PHACTR3: variants seen among roughly 807,000 people sequenced by gnomAD.
PHACTR3 encodes phosphatase and actin regulator 3, also known as protein phosphatase 1, regulatory subunit 123.
Under a neutral mutation model 66.8 loss-of-function variants are expected in PHACTR3, and 16 were observed. That is an observed-to-expected ratio of 0.24 (90% CI 0.16 to 0.36). The LOEUF (loss-of-function observed/expected upper bound fraction) is 0.36, where lower values mean the gene tolerates loss of function less well. Ranked by LOEUF, PHACTR3 falls within the 10% of genes least tolerant of loss-of-function variation. PHACTR3 has a pLI of 1.00. For synonymous variants in PHACTR3, 323 were observed against 292.1 expected (o/e 1.11, Z -1.08); for missense variants, 647 against 719.9 (o/e 0.90, Z 1.16).
intron 4 of PHACTR3, among the ~76,000 whole-genome samples, chr20:59,760,951 A>T (rs1246155987): frequency 6.6e-6 from 1 of 152,138 alleles, no homozygotes; most frequent in Non-Finnish European, 1.5e-5. Flanking sequence ...AGAGAGGTTA[A>T]GTCACTTTCC....
At position 59,626,268 on chromosome 20, in the gene PHACTR3, G is replaced by A. The variant is rs74377866; in HGVS notation, c.118+21136G>A. 5.3e-3 allele frequency among the ~76,000 whole-genome samples: 813 copies of A among 152,328 alleles called. 6 individuals are homozygous for A. Among genetic ancestry groups the A allele is most frequent in the Middle Eastern group, 0.031 (9 of 294 alleles). On this transcript the variant is annotated intron_variant, in intron 1 of 12. Transcript: ENST00000371015. ...TCATGTCTCTGCCTTCATGGAATGAGTAGTCTCGTGGGATGAGGGGAAACA... is the reference window on the plus strand; with the variant it reads ...TCATGTCTCTGCCTTCATGGAATGAATAGTCTCGTGGGATGAGGGGAAACA...
chr20:59,664,954 C>T (rs1160609756), intron 1 of PHACTR3, among the ~76,000 whole-genome samples: 2 of 152,200 alleles, frequency 1.3e-5, no homozygotes, highest in Non-Finnish European at 2.9e-5. Context: ...TCAACCCTCT[C>T]GCTGGAATTA....
chr20:59,776,527 G>GACAAT (rs1332528036), intron 7 of PHACTR3, among the ~76,000 whole-genome samples: 1 of 24,168 alleles, frequency 4.1e-5, no homozygotes, highest in Non-Finnish European at 2.6e-4. Flanking sequence ...AGCCCCTGGG[G>GACAAT]AGGACAGCCC....
intron 3 of PHACTR3, among the ~76,000 whole-genome samples, chr20:59,752,550 C>G (rs1430892078): frequency 3.8e-5 from 1 of 26,430 alleles, no homozygotes; most frequent in Non-Finnish European, 1.0e-4. Context: ...TGACCGCAGC[C>G]CAGAGAAGTC....
intron 1 of PHACTR3, among the ~76,000 whole-genome samples, chr20:59,586,423 C>T (rs2033030353): frequency 6.6e-6 from 1 of 152,200 alleles, no homozygotes; most frequent in Non-Finnish European, 1.5e-5. Flanking sequence ...GACGCTCCAG[C>T]ACTGGAGGCT....
At chr20:59,797,139 A>G (rs1190989498) in intron 7 of PHACTR3, among the ~76,000 whole-genome samples, 1 of 152,134 alleles carries the variant, frequency 6.6e-6, no homozygotes, top group Non-Finnish European at 1.5e-5. Flanking sequence ...ATTTAAAAAA[A>G]TTATTTATTG....
At chr20:59,609,734 C>T (rs17731168) in intron 1 of PHACTR3, among the ~76,000 whole-genome samples, 2,165 of 152,292 alleles carry the variant, frequency 0.014, 16 homozygotes, top group Middle Eastern at 0.031. Context: ...CTCGAATGTT[C>T]TCTTATTCTG....
chr20:59,774,149 C>G (rs1316420353), intron 6 of PHACTR3, 94 bp from the exon 7 acceptor site: 2 of 1,472,832 alleles, frequency 1.4e-6, no homozygotes, highest in African/African-American at 1.4e-5. Context: ...TTTGGGGCTG[C>G]CTCTGTGATA....
At chr20:59,784,330 ATG>A (rs59851475) in intron 7 of PHACTR3, among the ~76,000 whole-genome samples, 17,126 of 125,154 alleles carry the variant, frequency 0.14, 2,319 homozygotes, top group African/African-American at 0.48. Flanking sequence ...ATATATATAT[ATG>A]TGTATATATA....
At chr20:59,831,628 C>G (rs1020979832) in intron 8 of PHACTR3, among the ~76,000 whole-genome samples, 57 of 152,272 alleles carry the variant, frequency 3.7e-4, no homozygotes, top group African/African-American at 1.3e-3. Context: ...CCACCTACCC[C>G]GCCCCACCCC....
chr20:59,621,318 T>C (rs886641499), intron 1 of PHACTR3, among the ~76,000 whole-genome samples: 1 of 152,148 alleles, frequency 6.6e-6, no homozygotes, highest in African/African-American at 2.4e-5. Context: ...GGTGGCAGAG[T>C]TGGGGCTTGC....
chr20:59,738,204 T>C lies in PHACTR3; in HGVS notation c.119-4903T>C, dbSNP rs1202023335. ...AGGGAGTCAATGCTTCAACCTCCTGTTAGTAAGTGGCAGGGCCAGGAGGGG... is the reference window on the plus strand; with the variant it reads ...AGGGAGTCAATGCTTCAACCTCCTGCTAGTAAGTGGCAGGGCCAGGAGGGG... On this transcript the variant is annotated intron_variant, in intron 1 of 12. Transcript: ENST00000371015. This position sits in a 1 kb window ranked among gnomAD's most constrained non-coding sequence, Gnocchi z 4.4. Among the ~76,000 whole-genome samples the C allele has an allele frequency of 6.6e-6, 1 of 151,910 alleles. No individual in the cohort carries two copies. The highest frequency in any genetic ancestry group is 6.5e-5 in the Admixed American group (1 of 15,272).
intron 1 of PHACTR3, among the ~76,000 whole-genome samples, chr20:59,697,748 A>G (rs1377594023): frequency 6.6e-6 from 1 of 152,192 alleles, no homozygotes; most frequent in Admixed American, 6.5e-5. Context: ...AATTTAATTT[A>G]ATCAATAAAT....
intron 1 of PHACTR3, among the ~76,000 whole-genome samples, chr20:59,689,374 G>A (rs993018433): frequency 2.6e-5 from 4 of 152,256 alleles, no homozygotes; most frequent in Non-Finnish European, 4.4e-5. Context: ...AAGATGGTGT[G>A]TCAAATGTAG....
At chr20:59,685,784 T>C (rs977897933) in intron 1 of PHACTR3, among the ~76,000 whole-genome samples, 1 of 152,206 alleles carries the variant, frequency 6.6e-6, no homozygotes, top group African/African-American at 2.4e-5. Context: ...ACCATCCTTT[T>C]AGAGTGGCTT....
intron 1 of PHACTR3, among the ~76,000 whole-genome samples, chr20:59,584,960 C>T (rs1301438282): frequency 2.0e-5 from 3 of 150,216 alleles, no homozygotes; most frequent in Non-Finnish European, 3.0e-5. Context: ...CTTTAAAAAA[C>T]GCCTTCTCCA....
At chr20:59,621,717 G>A (rs1293891389) in intron 1 of PHACTR3, among the ~76,000 whole-genome samples, 6 of 152,206 alleles carry the variant, frequency 3.9e-5, no homozygotes, top group African/African-American at 1.2e-4. Context: ...CAGGCCACTG[G>A]CCCCTGGGGA....
intron 7 of PHACTR3, among the ~76,000 whole-genome samples, chr20:59,793,986 T>A (rs1173864418): frequency 6.6e-6 from 1 of 151,986 alleles, no homozygotes; most frequent in African/African-American, 2.4e-5. Context: ...TAGCCAGGTG[T>A]GCTGGTGCAT....
At chr20:59,790,662 T>C (rs1259281882) in intron 7 of PHACTR3, among the ~76,000 whole-genome samples, 2 of 152,186 alleles carry the variant, frequency 1.3e-5, no homozygotes, top group African/African-American at 4.8e-5. Context: ...AGCTGTGGTG[T>C]GGAGGAAACA....
Sources: allele counts gnomAD v4.1 joint callset (sites outside exome capture counted in the v4.1 genomes callset), GRCh38; gene constraint gnomAD v4.1.1; non-coding constraint Gnocchi (gnomAD v3.1); transcripts MANE v1.5; gene names NCBI Gene and HGNC (gene_info 2026-07-23, HGNC 2026-07-21).